The following MCPH1 variants were observed in gnomAD, a reference collection of about 807,000 sequenced individuals.
The protein encoded by MCPH1 is microcephalin 1.
In MCPH1, 104 loss-of-function variants were observed where a neutral mutation model predicts 84.5. The observed-to-expected ratio is 1.23, with a 90% CI of 1.05 to 1.45. The LOEUF is 1.45. Among genes scored for constraint, MCPH1 ranks in the 40% most tolerant of loss-of-function variants. The pLI, the probability that MCPH1 is intolerant of heterozygous loss-of-function variation, is 0.00. For synonymous variants in MCPH1, 514 were observed against 366.8 expected (o/e 1.40, Z -4.58); for missense variants, 1,498 against 1,005.7 (o/e 1.49, Z -6.62).
intron 12 of MCPH1, chr8:6,616,751 C>CAAACCCCA (rs1257216419): frequency 6.6e-6 from 1 of 152,298 alleles, no homozygotes; most frequent in Non-Finnish European, 1.5e-5. Context: ...GGAACTCTTT[C>CAAACCCCA]AAACCCCACC....
chr8:6,428,207 C>G (rs2979663), intron 3 of MCPH1, among the ~76,000 whole-genome samples: 3,261 of 151,792 alleles, frequency 0.021, 46 homozygotes, highest in Non-Finnish European at 0.029. Flanking sequence ...ATAAAAATAC[C>G]TTATATCTTT....
At chr8:6,592,877 G>C (rs1447610602) in intron 12 of MCPH1, among the ~76,000 whole-genome samples, 1 of 147,630 alleles carries the variant, frequency 6.8e-6, no homozygotes, top group Non-Finnish European at 1.5e-5. Flanking sequence ...ATGTTGCTCA[G>C]GCTGGTCTCA....
In MCPH1 at chr8:6,621,631, G is replaced by C. The variant is rs1040738213; in HGVS notation, c.2392G>C (p.Gly798Arg). ...CCCCCGCCAGGCCAGCATCGTCATC[G>C]GGCCCTACAGCGGAAAGAAGAAAGC... ...QVPRQASIVI[G>R]PYSGKKKATV... The change falls in exon 13 of 14, where the codon GGG becomes CGG. Residue 798 changes from glycine (G) to arginine (R), a missense_variant. Physicochemically the swap from Gly to Arg is moderately radical, Grantham distance 125. Coordinates refer to ENST00000344683, the MANE Select transcript of MCPH1 (RefSeq NM_024596.5). 1 of 1,614,188 alleles carries C rather than the reference G, an allele frequency of 6.2e-7. No individual in the cohort carries two copies. Among genetic ancestry groups the C allele is most frequent in the Non-Finnish European group, 8.5e-7 (1 of 1,180,038 alleles).
chr8:6,558,842 A>G (rs941393970), intron 12 of MCPH1, among the ~76,000 whole-genome samples: 14 of 152,202 alleles, frequency 9.2e-5, no homozygotes, highest in Non-Finnish European at 1.9e-4. Context: ...ATCCATATAG[A>G]GTAAACATGT....
intron 11 of MCPH1, among the ~76,000 whole-genome samples, chr8:6,484,283 G>T (rs1809588562): frequency 1.3e-5 from 2 of 152,244 alleles, no homozygotes. Context: ...AGGACACACA[G>T]ATGGCAAATA....
intron 3 of MCPH1, among the ~76,000 whole-genome samples, chr8:6,421,061 G>T (rs1800124848): frequency 6.6e-6 from 1 of 152,188 alleles, no homozygotes; most frequent in African/African-American, 2.4e-5. Flanking sequence ...TTCCCTTAGG[G>T]TGGGCTGCCC....
At chr8:6,515,511 C>G (rs988769796) in intron 12 of MCPH1, among the ~76,000 whole-genome samples, 14 of 152,224 alleles carry the variant, frequency 9.2e-5, no homozygotes, top group Admixed American at 7.2e-4. Context: ...TGCTCTTAAA[C>G]TGGCTCTGTG....
chr8:6,449,162 A>G (rs1804773604), intron 8 of MCPH1, among the ~76,000 whole-genome samples: 1 of 152,222 alleles, frequency 6.6e-6, no homozygotes, highest in Admixed American at 6.5e-5. Flanking sequence ...ATTCGATGTC[A>G]GTCCACAGTT....
chr8:6,569,757 G>A (rs750117232), intron 12 of MCPH1, among the ~76,000 whole-genome samples: 1 of 152,186 alleles, frequency 6.6e-6, no homozygotes, highest in Non-Finnish European at 1.5e-5. Context: ...AATACAGCCT[G>A]CTTTAGAGAT....
chr8:6,496,404 C>G (rs898948748), intron 11 of MCPH1, among the ~76,000 whole-genome samples: 3 of 152,206 alleles, frequency 2.0e-5, no homozygotes, highest in Admixed American at 6.5e-5. Flanking sequence ...CCACTCACCT[C>G]CTGCTGTGTG....
At chr8:6,577,969 G>A (rs1827250515) in intron 12 of MCPH1, among the ~76,000 whole-genome samples, 2 of 152,178 alleles carry the variant, frequency 1.3e-5, no homozygotes, top group Non-Finnish European at 2.9e-5. Context: ...TCTTTGCTGT[G>A]TGCGATCCTG....
rs1487128378 is a variant in MCPH1 at position 6,462,623 on chromosome 8, C to T, written c.1935+7371C>T. Among the ~76,000 whole-genome samples, 3 of 152,210 alleles carry T rather than the reference C, an allele frequency of 2.0e-5. No individual in the cohort carries two copies. In the East Asian group the frequency reaches 5.8e-4, roughly 29 times the overall value. On this transcript the variant is annotated intron_variant, in intron 9 of 13. Coordinates refer to ENST00000344683, the MANE Select transcript of MCPH1 (RefSeq NM_024596.5). ...GTTGCTAAAGCATTGCCCCCAGAGC[C>T]AGATGCCTGGGTTCAGTCCCATCTC...
chr8:6,585,501 C>G (rs1586715820), intron 12 of MCPH1, among the ~76,000 whole-genome samples: 1 of 152,250 alleles, frequency 6.6e-6, no homozygotes, highest in African/African-American at 2.4e-5. Flanking sequence ...GCCTCGAAAA[C>G]ATGCAGTTGG....
chr8:6,512,679 T>C (rs1336908931), intron 12 of MCPH1, among the ~76,000 whole-genome samples: 1 of 152,210 alleles, frequency 6.6e-6, no homozygotes, highest in African/African-American at 2.4e-5. Flanking sequence ...ACCGTACTTA[T>C]CTTGCACACT....
intron 12 of MCPH1, among the ~76,000 whole-genome samples, chr8:6,617,904 T>TA (rs1386194362): frequency 2.7e-5 from 4 of 145,730 alleles, no homozygotes; most frequent in African/African-American, 5.3e-5. Context: ...CTATCTAATC[T>TA]ATCTATCTAT....
At chr8:6,558,582 A>G (rs1481546680) in intron 12 of MCPH1, among the ~76,000 whole-genome samples, 1 of 152,176 alleles carries the variant, frequency 6.6e-6, no homozygotes, top group Admixed American at 6.5e-5. Flanking sequence ...CTGTTTGACA[A>G]CTGTAAAGAG....
intron 2 of MCPH1, among the ~76,000 whole-genome samples, chr8:6,413,694 G>A (rs116637517): frequency 0.036 from 5,466 of 150,584 alleles, 291 homozygotes; most frequent in African/African-American, 0.12. Flanking sequence ...TAATTTCCAA[G>A]AGCTCTTTAG....
chr8:6,534,068 C>T (rs1007605467), intron 12 of MCPH1, among the ~76,000 whole-genome samples: 9 of 152,130 alleles, frequency 5.9e-5, no homozygotes, highest in African/African-American at 2.2e-4. Flanking sequence ...TCAGCCTGGT[C>T]ACTAAGGCTG....
intron 13 of MCPH1, chr8:6,642,777 C>A (rs997527147): frequency 3.5e-5 from 21 of 605,810 alleles, no homozygotes; most frequent in Admixed American, 4.5e-5. Context: ...CTTGAACTGG[C>A]CAGTGTGACT....
Sources: gnomAD v4.1 joint callset for allele counts (sites outside exome capture counted in the v4.1 genomes callset) on GRCh38, gnomAD v4.1.1 for gene constraint, MANE v1.5 for transcripts, NCBI Gene and HGNC (gene_info 2026-07-23, HGNC 2026-07-21) for gene names.